The following CFAP54 variants were observed in gnomAD, a reference collection of about 807,000 sequenced individuals.
The protein encoded by CFAP54 is cilia- and flagella-associated protein 54.
Under a neutral mutation model 370.4 loss-of-function variants are expected in CFAP54, and 290 were observed. The ratio of observed to expected loss-of-function variants is 0.78; its 90% CI spans 0.71 to 0.86. The LOEUF is 0.86. Ranked by LOEUF, CFAP54 falls within the 40% of genes least tolerant of loss-of-function variation. The probability of loss-of-function intolerance (pLI) is 0.00; values close to 1 mark genes in which losing one functional copy is unlikely to be tolerated. For synonymous variants in CFAP54, 1,206 were observed against 1,236.5 expected (o/e 0.98, Z 0.52); for missense variants, 3,399 against 3,528.7 (o/e 0.96, Z 0.93).
At chr12:96,544,410 A>ATT (rs1252811454) in intron 14 of CFAP54, among the ~76,000 whole-genome samples, 1 of 148,016 alleles carries the variant, frequency 6.8e-6, no homozygotes, top group Non-Finnish European at 1.5e-5. Context: ...AAAACAGAAT[A>ATT]TCTCTCTCTC....
At chr12:96,726,793 G>A (rs1957845578) in intron 50 of CFAP54, among the ~76,000 whole-genome samples, 1 of 151,960 alleles carries the variant, frequency 6.6e-6, no homozygotes. Context: ...GATCTTTCCT[G>A]CTTTCTCTTG....
intron 19 of CFAP54, among the ~76,000 whole-genome samples, chr12:96,568,699 A>G (rs367903421): frequency 3.9e-5 from 6 of 152,328 alleles, no homozygotes; most frequent in East Asian, 3.9e-4. Context: ...ATATCATAAA[A>G]AGGTTTGAAA....
chr12:96,723,274 G>A (rs965162703), intron 50 of CFAP54, among the ~76,000 whole-genome samples: 3 of 152,166 alleles, frequency 2.0e-5, no homozygotes, highest in Non-Finnish European at 2.9e-5. Flanking sequence ...AGCTCCGTTA[G>A]GGGGTATAAA....
intron 63 of CFAP54, among the ~76,000 whole-genome samples, chr12:96,793,849 A>G (rs1958730346): frequency 6.6e-6 from 1 of 151,996 alleles, no homozygotes; most frequent in South Asian, 2.1e-4. Context: ...GGCCATTTGT[A>G]TATCTTCTTT....
Position 96,635,493 on chromosome 12 carries a change from G to C in CFAP54, c.4316+4842G>C, listed in dbSNP as rs557766799. On this transcript the variant is annotated intron_variant, in intron 32 of 67. Coordinates refer to ENST00000524981, the MANE Select transcript of CFAP54 (RefSeq NM_001306084.2). Reference sequence around the variant, plus strand: ...CAACCAATTCTCCAGCACCAGCGGGGCAGCCCCATATGCACTTCATGGAAT... The same window carrying C: ...CAACCAATTCTCCAGCACCAGCGGGCCAGCCCCATATGCACTTCATGGAAT... 1.7e-4 allele frequency among the ~76,000 whole-genome samples: 26 copies of C among 152,290 alleles called. No individual in the cohort carries two copies. The East Asian group carries it at 4.6e-3, about 27-fold the overall frequency.
rs181766605 is a variant in CFAP54 at position 96,815,212 on chromosome 12, G to A, written c.8958-2563G>A. Among the ~76,000 whole-genome samples, 73 of 152,162 alleles carry A rather than the reference G, an allele frequency of 4.8e-4. No individual in the cohort carries two copies. In the East Asian group the frequency reaches 0.011, roughly 23 times the overall value. ...CCTGTTTTTCCGCATCCTCTCCAGC[G>A]TCTGTTGTTTCTTGACTATTTAATG... is the stretch of plus-strand genomic sequence containing the variant. On this transcript the variant is annotated intron_variant, in intron 64 of 67. Transcript: ENST00000524981.
chr12:96,589,466 G>A lies in CFAP54; in HGVS notation c.3115G>A (p.Val1039Ile). The A allele has an allele frequency of 6.5e-7, 1 of 1,532,616 alleles. No homozygotes were observed. The highest frequency in any genetic ancestry group is 1.4e-5 in the African/African-American group (1 of 73,072). The allele number at this position is 1,532,616 out of a possible 1,614,324, so 94.9% of individuals were successfully genotyped here. Residue 1039 changes from valine (V) to isoleucine (I), a missense_variant, in exon 23 of 68, where the codon GTT (valine) becomes ATT (isoleucine). By Grantham distance (29) the Val-to-Ile change is conservative. This residue lies in a region of CFAP54 where 2,796 missense variants were observed against 2,869.7 expected (regional missense o/e 0.97). Transcript: ENST00000524981. ...TGGTAACTATGAATTGGCTAAGAAA[G>A]TTTTCTCACCAGTTTGGGATTATTT... ...QVGNYELAKKVFSPVWDYFVA... is the reference protein window; with the variant it reads ...QVGNYELAKKIFSPVWDYFVA...
rs190544245 is a variant in CFAP54, at chr12:96,507,047, C to T, written c.687C>T (p.Leu229=). The T allele has an allele frequency of 1.0e-3, 1,529 of 1,534,648 alleles. No homozygotes were observed. Among genetic ancestry groups the T allele is most frequent in the Non-Finnish European group, 1.1e-3 (1,304 of 1,146,344 alleles). ...QCLHILSSLR[L]IMQVALPQEH... ...TGCATATCTTGTCCTCCTTAAGGCTCATCATGCAAGTGGCTCTGCCACAAG... is the reference window on the plus strand; with the variant it reads ...TGCATATCTTGTCCTCCTTAAGGCTTATCATGCAAGTGGCTCTGCCACAAG... The change falls in exon 4 of 68, where the codon CTC becomes CTT. Residue 229 remains leucine, a synonymous_variant. Transcript: ENST00000524981.
chr12:96,874,655 A>C (rs1421115439), intron 67 of CFAP54, among the ~76,000 whole-genome samples: 1 of 84,560 alleles, frequency 1.2e-5, no homozygotes, highest in South Asian at 3.7e-4. Context: ...TTTGAGACGG[A>C]GTCTCGCTCT....
intron 38 of CFAP54, among the ~76,000 whole-genome samples, chr12:96,660,038 TA>T (rs1277002876): frequency 2.0e-5 from 3 of 152,202 alleles, no homozygotes; most frequent in African/African-American, 7.2e-5. Context: ...TTATAATCAT[TA>T]TAAGGTCTCT....
chr12:96,865,706 T>C (rs957158178), intron 67 of CFAP54, among the ~76,000 whole-genome samples: 8 of 152,160 alleles, frequency 5.3e-5, no homozygotes, highest in African/African-American at 7.2e-5. Context: ...CTCATCTTGT[T>C]GGTTGGCAAG....
intron 26 of CFAP54, among the ~76,000 whole-genome samples, chr12:96,606,734 G>C (rs747928401): frequency 2.0e-5 from 3 of 152,162 alleles, no homozygotes; most frequent in Non-Finnish European, 4.4e-5. Context: ...TGAGAAAAAG[G>C]CTTTTTATGG....
At chr12:96,753,408 C>T (rs1054373395) in intron 55 of CFAP54, among the ~76,000 whole-genome samples, 1 of 152,032 alleles carries the variant, frequency 6.6e-6, no homozygotes, top group Non-Finnish European at 1.5e-5. Flanking sequence ...CAGGTGTTTC[C>T]CTATTAACAA....
At chr12:96,623,274 G>T (rs904452763) in intron 27 of CFAP54, among the ~76,000 whole-genome samples, 2 of 151,964 alleles carry the variant, frequency 1.3e-5, no homozygotes, top group African/African-American at 2.4e-5. Context: ...TGAGTGGGCA[G>T]ACAGGCTGAT....
At chr12:96,671,439 G>A (rs747238355) in intron 39 of CFAP54, among the ~76,000 whole-genome samples, 5 of 152,028 alleles carry the variant, frequency 3.3e-5, no homozygotes, top group South Asian at 2.1e-4. Flanking sequence ...CTGATAAAAC[G>A]TAAGCTTTAT....
At chr12:96,684,329 C>T (rs1021985666) in intron 40 of CFAP54, among the ~76,000 whole-genome samples, 5 of 152,162 alleles carry the variant, frequency 3.3e-5, no homozygotes, top group Admixed American at 3.3e-4. Context: ...CCCATCATTC[C>T]TATACATACC....
chr12:96,684,628 T>C lies in CFAP54; in HGVS notation c.5717-20T>C. On this transcript the variant is annotated intron_variant, in intron 40 of 67. Coordinates refer to ENST00000524981, the MANE Select transcript of CFAP54 (RefSeq NM_001306084.2). Reference sequence around the variant, plus strand: ...TTTCTAGGAACTGACATTTGTTCTTTTACTTGATTAAAAATATAGATGTTC... The same window carrying C: ...TTTCTAGGAACTGACATTTGTTCTTCTACTTGATTAAAAATATAGATGTTC... 1 of 1,578,720 alleles carries C rather than the reference T, an allele frequency of 6.3e-7. No homozygotes were observed. Among genetic ancestry groups the C allele is most frequent in the Non-Finnish European group, 8.6e-7 (1 of 1,160,556 alleles).
At chr12:96,713,030 G>C (rs1957632367) in intron 48 of CFAP54, among the ~76,000 whole-genome samples, 1 of 152,112 alleles carries the variant, frequency 6.6e-6, no homozygotes, top group Admixed American at 6.6e-5. Flanking sequence ...CAAAAAGACA[G>C]AAAACAGCAG....
chr12:96,532,409 A>T (rs1203270366), intron 9 of CFAP54, among the ~76,000 whole-genome samples: 1 of 152,098 alleles, frequency 6.6e-6, no homozygotes, highest in Non-Finnish European at 1.5e-5. Flanking sequence ...GAATGCAGGG[A>T]ACTTCTGGTG....
Sources: allele counts gnomAD v4.1 joint callset (sites outside exome capture counted in the v4.1 genomes callset), GRCh38; gene constraint gnomAD v4.1.1; regional missense constraint gnomAD v4.1.1; transcripts MANE v1.5; gene names NCBI Gene and HGNC (gene_info 2026-07-23, HGNC 2026-07-21).